Variants in PTPRR observed in about 807,000 individuals in gnomAD.
PTPRR encodes receptor-type tyrosine-protein phosphatase R.
A neutral mutation model predicts 77.2 loss-of-function variants in PTPRR; 38 were observed. That is an observed-to-expected ratio of 0.49 (90% CI 0.38 to 0.65). The LOEUF (loss-of-function observed/expected upper bound fraction) is 0.65, where lower values mean the gene tolerates loss of function less well. Among genes scored for constraint, PTPRR ranks in the 30% least tolerant of loss-of-function variants. PTPRR has a pLI of 0.00. For synonymous variants in PTPRR, 299 were observed against 283.1 expected (o/e 1.06, Z -0.57); for missense variants, 744 against 799.2 (o/e 0.93, Z 0.83).
intron 2 of PTPRR, among the ~76,000 whole-genome samples, chr12:70,868,491 C>T (rs1271896782): frequency 6.6e-6 from 1 of 152,064 alleles, no homozygotes; most frequent in African/African-American, 2.4e-5. Context: ...AATGAGATAC[C>T]ATCTCACACC....
At chr12:70,806,988 G>A (rs1341063859) in intron 2 of PTPRR, among the ~76,000 whole-genome samples, 1 of 152,190 alleles carries the variant, frequency 6.6e-6, no homozygotes, top group Non-Finnish European at 1.5e-5. Flanking sequence ...CTTCCTTACA[G>A]CTAGGTGTGG....
intron 5 of PTPRR, 27 bp downstream of exon 5, chr12:70,754,164 A>G: frequency 6.2e-7 from 1 of 1,606,378 alleles, no homozygotes; most frequent in South Asian, 1.1e-5. Flanking sequence ...TGAGCAAAGG[A>G]TAAAATATAC....
In PTPRR at chr12:70,836,555, C is replaced by G. The variant is rs142001745; in HGVS notation, c.357+56124G>C. On this transcript the variant is annotated intron_variant, in intron 2 of 13. Coordinates refer to ENST00000283228, the MANE Select transcript of PTPRR (RefSeq NM_002849.4). The stretch of plus-strand genomic sequence containing the variant: ...CAACCATACCCCATGTAATCTAGCC[C>G]CTTCTCATCACTCTCCTGCCCTTCT... 5.3e-5 allele frequency among the ~76,000 whole-genome samples: 8 copies of G among 152,052 alleles called. No individual in the cohort carries two copies. In the East Asian group the frequency reaches 1.6e-3, roughly 30 times the overall value.
chr12:70,875,673 T>C (rs1592808504), intron 2 of PTPRR, among the ~76,000 whole-genome samples: 1 of 147,792 alleles, frequency 6.8e-6, no homozygotes, highest in African/African-American at 2.5e-5. Flanking sequence ...TCACAAAAGG[T>C]AGTTTTTTGA....
At chr12:70,675,892 CT>C (rs1047296484) in intron 10 of PTPRR, among the ~76,000 whole-genome samples, 120 of 141,364 alleles carry the variant, frequency 8.5e-4, no homozygotes, top group Middle Eastern at 3.6e-3. Flanking sequence ...ATAGAAAAGC[CT>C]TTTTTTTTTT....
chr12:70,760,973 G>A (rs1439344124), intron 4 of PTPRR, among the ~76,000 whole-genome samples: 8 of 152,054 alleles, frequency 5.3e-5, no homozygotes, highest in African/African-American at 1.7e-4. Flanking sequence ...TAAGACTTAA[G>A]TTCTTTAAAA....
At chr12:70,731,555 G>A (rs1203972436) in intron 6 of PTPRR, among the ~76,000 whole-genome samples, 2 of 152,156 alleles carry the variant, frequency 1.3e-5, no homozygotes, top group African/African-American at 4.8e-5. Flanking sequence ...AGTTTACAAA[G>A]TTTATTCATT....
intron 13 of PTPRR, among the ~76,000 whole-genome samples, chr12:70,655,751 G>C (rs1364720929): frequency 6.6e-6 from 1 of 152,182 alleles, no homozygotes; most frequent in Non-Finnish European, 1.5e-5. Context: ...GAGAGGAATG[G>C]GGAGTTTTTT....
chr12:70,717,262 A>C (rs1011457227), intron 6 of PTPRR, among the ~76,000 whole-genome samples: 11 of 152,198 alleles, frequency 7.2e-5, no homozygotes, highest in Admixed American at 7.2e-4. Context: ...TGACATAATA[A>C]TGAACACAGA....
intron 1 of PTPRR, among the ~76,000 whole-genome samples, chr12:70,902,652 G>A (rs1319347829): frequency 4.6e-5 from 7 of 151,882 alleles, no homozygotes; most frequent in East Asian, 1.9e-4. Flanking sequence ...ACCAAACATC[G>A]TATGTTCTCA....
rs144885515 is a variant in PTPRR at position 70,802,064 on chromosome 12, C to T, written c.358-37286G>A. ...ATCAGTTTGTCTTTAGCTCACATTG[C>T]TGAACAGAATGATTGTACAGTATAA... is the stretch of plus-strand genomic sequence containing the variant. On this transcript the variant is annotated intron_variant, in intron 2 of 13. Coordinates refer to ENST00000283228, the MANE Select transcript of PTPRR (RefSeq NM_002849.4). 3.0e-3 allele frequency among the ~76,000 whole-genome samples: 463 copies of T among 152,196 alleles called. 3 individuals are homozygous for T. The highest frequency in any genetic ancestry group is 0.01 in the African/African-American group (428 of 41,530).
chr12:70,657,337 T>C (rs549320720), intron 12 of PTPRR, among the ~76,000 whole-genome samples: 17 of 152,312 alleles, frequency 1.1e-4, no homozygotes, highest in East Asian at 3.9e-4. Flanking sequence ...TAGTGAATAA[T>C]TGAGCAATTG....
chr12:70,912,739 T>A (rs915721417), intron 1 of PTPRR, among the ~76,000 whole-genome samples: 30 of 152,196 alleles, frequency 2.0e-4, no homozygotes, highest in African/African-American at 7.2e-4. Flanking sequence ...ATAAATTTGC[T>A]AATTGTCCTT....
chr12:70,664,212 G>A (rs1232788755), intron 10 of PTPRR: 2 of 152,154 alleles, frequency 1.3e-5, no homozygotes, highest in Non-Finnish European at 1.5e-5. Context: ...TACTCTGGCT[G>A]ACTTAATGTT....
Position 70,727,736 on chromosome 12 carries a change from T to C in PTPRR, c.1007+18082A>G, listed in dbSNP as rs552325157. Among the ~76,000 whole-genome samples the C allele has an allele frequency of 2.0e-5, 3 of 152,190 alleles. No homozygotes were observed. In the East Asian group the frequency reaches 5.8e-4, roughly 29 times the overall value. On this transcript the variant is annotated intron_variant, in intron 6 of 13. Transcript: ENST00000283228. ...TCAGACCCAGAGTCTCATAGAAAAA[T>C]GCATCCAAACGGCACAGAATGGCCA...
chr12:70,749,425 T>C (rs7299742), intron 5 of PTPRR, among the ~76,000 whole-genome samples: 3,050 of 152,294 alleles, frequency 0.02, 96 homozygotes, highest in African/African-American at 0.07. Context: ...ACCAGTTTAG[T>C]ACCAATAAGT....
chr12:70,711,093 T>C (rs1032844668), intron 6 of PTPRR, among the ~76,000 whole-genome samples: 1 of 152,198 alleles, frequency 6.6e-6, no homozygotes, highest in African/African-American at 2.4e-5. Flanking sequence ...TTCACACATA[T>C]GTTCATTGCA....
chr12:70,664,059 C>T (rs918436194), intron 10 of PTPRR, among the ~76,000 whole-genome samples: 20 of 152,196 alleles, frequency 1.3e-4, no homozygotes, highest in African/African-American at 4.8e-4. Context: ...GTCACTTCAC[C>T]TAGCAGAATC....
intron 2 of PTPRR, among the ~76,000 whole-genome samples, chr12:70,842,991 A>C (rs1892422320): frequency 6.6e-6 from 1 of 152,218 alleles, no homozygotes; most frequent in African/African-American, 2.4e-5. Context: ...TAGATATCTT[A>C]AGAAGCTTGT....
Sources: allele counts gnomAD v4.1 joint callset (sites outside exome capture counted in the v4.1 genomes callset), GRCh38; gene constraint gnomAD v4.1.1; transcripts MANE v1.5; gene names NCBI Gene and HGNC (gene_info 2026-07-23, HGNC 2026-07-21).